The following SRGAP2C variants were observed in gnomAD, a reference collection of about 807,000 sequenced individuals.
The protein encoded by SRGAP2C is SLIT-ROBO Rho GTPase activating protein 2C, also known as SLIT-ROBO Rho GTPase-activating protein 2C.
In SRGAP2C, 15 loss-of-function variants were observed where a neutral mutation model predicts 25.1. The observed-to-expected ratio is 0.60, with a 90% CI of 0.40 to 0.92. The LOEUF (loss-of-function observed/expected upper bound fraction) is 0.92, where lower values mean the gene tolerates loss of function less well. SRGAP2C is among the 40% of genes least tolerant of loss of function. The pLI, the probability that SRGAP2C is intolerant of heterozygous loss-of-function variation, is 0.00. For synonymous variants in SRGAP2C, 44 were observed against 96.6 expected (o/e 0.46, Z 3.19); for missense variants, 144 against 264.4 (o/e 0.54, Z 3.16).
chr1:121,330,463 TGG>T (rs1356630067), intron 4 of SRGAP2C, among the ~76,000 whole-genome samples: 1 of 106,306 alleles, frequency 9.4e-6, no homozygotes, highest in African/African-American at 3.6e-5. Flanking sequence ...GAAAGTTACT[TGG>T]GGAGTTTTAA....
chr1:121,378,973 G>A (rs1213444066), intron 7 of SRGAP2C, among the ~76,000 whole-genome samples: 5 of 152,180 alleles, frequency 3.3e-5, no homozygotes, highest in Non-Finnish European at 5.9e-5. Flanking sequence ...ATCTAAGAAT[G>A]GTAGGCTCAC....
At chr1:121,337,742 G>T (rs1306968305) in intron 4 of SRGAP2C, among the ~76,000 whole-genome samples, 10 of 139,586 alleles carry the variant, frequency 7.2e-5, no homozygotes, top group Non-Finnish European at 1.1e-4. Context: ...TTGTAAAAAC[G>T]TATTAGTCTT....
intron 2 of SRGAP2C, among the ~76,000 whole-genome samples, chr1:121,253,999 A>G (rs1570739145): frequency 6.6e-6 from 1 of 151,494 alleles, no homozygotes; most frequent in Non-Finnish European, 1.5e-5. Flanking sequence ...TGCAGTCTCA[A>G]CCTCCTGGGT....
chr1:121,378,562 T>C (rs1371938152), intron 7 of SRGAP2C, among the ~76,000 whole-genome samples: 1 of 150,584 alleles, frequency 6.6e-6, no homozygotes, highest in Non-Finnish European at 1.5e-5. Context: ...TCTTTCTTTT[T>C]CTTGCTGACC....
At chr1:121,192,050 CAGG>C (rs1553319871) in intron 2 of SRGAP2C, among the ~76,000 whole-genome samples, 1 of 151,750 alleles carries the variant, frequency 6.6e-6, no homozygotes, top group African/African-American at 2.4e-5. Flanking sequence ...CCTTCAAGAG[CAGG>C]AGATGAAATT....
chr1:121,295,734 T>G (rs1434544770), intron 3 of SRGAP2C, among the ~76,000 whole-genome samples: 24 of 150,074 alleles, frequency 1.6e-4, no homozygotes, highest in African/African-American at 5.0e-4. Flanking sequence ...CTTTTTTGTT[T>G]TTGTTGTTGT....
At chr1:121,207,237 C>T (rs1655135573) in intron 2 of SRGAP2C, among the ~76,000 whole-genome samples, 1 of 152,114 alleles carries the variant, frequency 6.6e-6, no homozygotes, top group South Asian at 2.1e-4. Flanking sequence ...CTTGAAGGGG[C>T]TTCGTGTTTG....
At chr1:121,282,659 A>G (rs1312921482) in intron 2 of SRGAP2C, among the ~76,000 whole-genome samples, 2 of 151,718 alleles carry the variant, frequency 1.3e-5, no homozygotes, top group African/African-American at 4.8e-5. Context: ...GGTTCACGCC[A>G]TTCTCCCACC....
chr1:121,370,677 C>T (rs1230303043), intron 5 of SRGAP2C, among the ~76,000 whole-genome samples: 3 of 152,106 alleles, frequency 2.0e-5, no homozygotes, highest in African/African-American at 4.8e-5. Flanking sequence ...ATCTCCTGAC[C>T]TCGTAATCCG....
chr1:121,188,216 T>G (rs1654572491), intron 2 of SRGAP2C, among the ~76,000 whole-genome samples: 2 of 152,186 alleles, frequency 1.3e-5, no homozygotes, highest in African/African-American at 4.8e-5. Flanking sequence ...CATAATTGTT[T>G]AACCCTTCTG....
At chr1:121,213,268 A>G (rs1570710181) in intron 2 of SRGAP2C, among the ~76,000 whole-genome samples, 1 of 145,568 alleles carries the variant, frequency 6.9e-6, no homozygotes, top group African/African-American at 2.5e-5. Flanking sequence ...CTGGTCTTGA[A>G]CTCCCGGCCT....
chr1:121,315,432 C>A (rs1658075322), intron 3 of SRGAP2C, among the ~76,000 whole-genome samples: 1 of 147,940 alleles, frequency 6.8e-6, no homozygotes, highest in African/African-American at 2.5e-5. Flanking sequence ...AAGCATAGTT[C>A]AAGGCGCTTT....
At chr1:121,202,517 C>T (rs1655009543) in intron 2 of SRGAP2C, among the ~76,000 whole-genome samples, 1 of 147,558 alleles carries the variant, frequency 6.8e-6, no homozygotes, top group Non-Finnish European at 1.5e-5. Flanking sequence ...CAACCTCCGA[C>T]TCCCGGATTC....
chr1:121,265,004 C>G (rs1404870099), intron 2 of SRGAP2C, among the ~76,000 whole-genome samples: 2 of 106,586 alleles, frequency 1.9e-5, no homozygotes, highest in South Asian at 7.6e-4. Context: ...CAAGACCAAC[C>G]TGGCCAACAT....
chr1:121,350,599 A>G (rs1553345466), intron 4 of SRGAP2C, among the ~76,000 whole-genome samples: 1 of 152,204 alleles, frequency 6.6e-6, no homozygotes, highest in East Asian at 1.9e-4. Context: ...AAATAACTCA[A>G]AATGGATCAA....
At chr1:121,335,862 G>A (rs1373697856) in intron 4 of SRGAP2C, among the ~76,000 whole-genome samples, 5 of 151,056 alleles carry the variant, frequency 3.3e-5, no homozygotes, top group African/African-American at 1.2e-4. Context: ...ATTGCATATT[G>A]GACATCATAG....
chr1:121,385,781 AC>A (rs1281065799), intron 8 of SRGAP2C, among the ~76,000 whole-genome samples: 1 of 150,038 alleles, frequency 6.7e-6, no homozygotes, highest in Non-Finnish European at 1.5e-5. Flanking sequence ...ACTGTGGATG[AC>A]CTCATCCCAT....
At chr1:121,294,616 C>G (rs1357858926) in intron 3 of SRGAP2C, among the ~76,000 whole-genome samples, 2,622 of 48,742 alleles carry the variant, frequency 0.054, 43 homozygotes, top group East Asian at 0.058. Context: ...AAATAGACTT[C>G]CTGTAAATTA....
intron 2 of SRGAP2C, among the ~76,000 whole-genome samples, chr1:121,275,916 T>TA (rs1236114209): frequency 8.7e-6 from 1 of 115,082 alleles, no homozygotes; most frequent in Non-Finnish European, 1.8e-5. Context: ...TGGCCATGTT[T>TA]AAAGTCCATC....
Sources: gnomAD v4.1 joint callset for allele counts (sites outside exome capture counted in the v4.1 genomes callset) on GRCh38, gnomAD v4.1.1 for gene constraint, MANE v1.5 for transcripts, NCBI Gene and HGNC (gene_info 2026-07-23, HGNC 2026-07-21) for gene names.